The following SLC10A7 variants were observed in gnomAD, a reference collection of about 807,000 sequenced individuals.
SLC10A7 encodes solute carrier family 10 member 7, also known as sodium/bile acid cotransporter 7.
A neutral mutation model predicts 43.2 loss-of-function variants in SLC10A7; 29 were observed. The observed-to-expected ratio is 0.67, with a 90% confidence interval of 0.50 to 0.92. The LOEUF (loss-of-function observed/expected upper bound fraction) is 0.92, where lower values mean the gene tolerates loss of function less well. SLC10A7 is among the 40% of genes least tolerant of loss of function. The pLI is 0.00. For missense variants in SLC10A7, 295 were observed against 403.2 expected, an observed-to-expected ratio of 0.73 and a Z score of 2.30; for synonymous variants, 152 against 144.8, an observed-to-expected ratio of 1.05 and a Z score of -0.35.
intron 5 of SLC10A7, among the ~76,000 whole-genome samples, chr4:146,365,802 T>C (rs756343848): frequency 3.3e-5 from 5 of 152,218 alleles, no homozygotes; most frequent in Non-Finnish European, 7.3e-5. Flanking sequence ...AGTTACTTAA[T>C]GTCCTTTGTC....
chr4:146,426,864 G>T (rs1729399695), intron 5 of SLC10A7, among the ~76,000 whole-genome samples: 1 of 152,102 alleles, frequency 6.6e-6, no homozygotes, highest in Non-Finnish European at 1.5e-5. Context: ...GACAGAGTGA[G>T]ACTCCGTCTC....
intron 4 of SLC10A7, among the ~76,000 whole-genome samples, chr4:146,497,212 A>G (rs1735982255): frequency 6.6e-6 from 1 of 152,236 alleles, no homozygotes; most frequent in Non-Finnish European, 1.5e-5. Context: ...TAAGAAACAA[A>G]CAATCAAAAA....
At chr4:146,498,490 C>T (rs1465043649) in intron 4 of SLC10A7, among the ~76,000 whole-genome samples, 1 of 152,126 alleles carries the variant, frequency 6.6e-6, no homozygotes, top group South Asian at 2.1e-4. Flanking sequence ...CCACAATCAC[C>T]ACCAGCTGGA....
chr4:146,490,235 G>C (rs1052448727), intron 4 of SLC10A7, among the ~76,000 whole-genome samples: 1 of 152,058 alleles, frequency 6.6e-6, no homozygotes, highest in Non-Finnish European at 1.5e-5. Flanking sequence ...TAGGGAACTA[G>C]AAATATCAAA....
In SLC10A7 at chr4:146,281,122, C is replaced by T. The variant is rs75097382; in HGVS notation, c.847+2070G>A. Among the ~76,000 whole-genome samples the T allele has an allele frequency of 1.2e-3, 184 of 152,272 alleles. 2 individuals are homozygous for T. In the East Asian group the frequency reaches 0.019, roughly 16 times the overall value. On this transcript the variant is annotated intron_variant, in intron 10 of 11. Coordinates refer to ENST00000335472, the MANE Select transcript of SLC10A7 (RefSeq NM_001029998.6). ...AAAACAACTACTTCATAGCACCTATCTGTTTGCCTGAAAATTAGCTTTTGG... is the reference window on the plus strand; with the variant it reads ...AAAACAACTACTTCATAGCACCTATTTGTTTGCCTGAAAATTAGCTTTTGG...
intron 5 of SLC10A7, among the ~76,000 whole-genome samples, chr4:146,342,907 A>G (rs62327857): frequency 0.16 from 23,983 of 151,814 alleles, 2,532 homozygotes; most frequent in South Asian, 0.26. Flanking sequence ...AGATAAAACA[A>G]TGCACATAAA....
intron 5 of SLC10A7, among the ~76,000 whole-genome samples, chr4:146,390,871 C>CA (rs373893464): frequency 0.012 from 1,740 of 139,786 alleles, 24 homozygotes; most frequent in African/African-American, 0.041. Flanking sequence ...AAAGTTAAAA[C>CA]AAAAAAAAAA....
chr4:146,450,282 A>T (rs1365384559), intron 4 of SLC10A7, among the ~76,000 whole-genome samples: 1 of 152,162 alleles, frequency 6.6e-6, no homozygotes, highest in African/African-American at 2.4e-5. Context: ...TCCAGTGTAC[A>T]ACTTCTTACA....
At chr4:146,440,864 T>C (rs1005125902) in intron 5 of SLC10A7, among the ~76,000 whole-genome samples, 1 of 152,134 alleles carries the variant, frequency 6.6e-6, no homozygotes, top group African/African-American at 2.4e-5. Flanking sequence ...TCCTCTCCTC[T>C]CTCCTTTACC....
intron 4 of SLC10A7, among the ~76,000 whole-genome samples, chr4:146,452,968 G>C (rs1433619098): frequency 6.6e-6 from 1 of 151,376 alleles, no homozygotes; most frequent in African/African-American, 2.4e-5. Flanking sequence ...AAATATTACA[G>C]GAATTAACAG....
chr4:146,340,535 GGAGAGAGAGA>G (rs35059793), intron 5 of SLC10A7, among the ~76,000 whole-genome samples: 2 of 141,830 alleles, frequency 1.4e-5, no homozygotes, highest in African/African-American at 2.6e-5. Flanking sequence ...ATATATATAT[GGAGAGAGAGA>G]GAGAGAGAGA....
At chr4:146,356,122 T>C (rs1422882561) in intron 5 of SLC10A7, among the ~76,000 whole-genome samples, 1 of 150,628 alleles carries the variant, frequency 6.6e-6, no homozygotes, top group East Asian at 1.9e-4. Flanking sequence ...CTATTATTAT[T>C]TGATTTATTG....
At chr4:146,447,652 T>A (rs1394785932) in intron 4 of SLC10A7, among the ~76,000 whole-genome samples, 1 of 151,980 alleles carries the variant, frequency 6.6e-6, no homozygotes, top group African/African-American at 2.4e-5. Context: ...TGGTGAATAA[T>A]TAGATCAATC....
chr4:146,423,719 G>A (rs1433554149), intron 5 of SLC10A7, among the ~76,000 whole-genome samples: 3 of 152,170 alleles, frequency 2.0e-5, no homozygotes, highest in East Asian at 3.8e-4. Context: ...TAAGAAGAAC[G>A]TAATATGAAT....
chr4:146,518,361 T>G (rs553109800), intron 1 of SLC10A7, among the ~76,000 whole-genome samples: 4 of 152,152 alleles, frequency 2.6e-5, no homozygotes, highest in African/African-American at 9.7e-5. Flanking sequence ...TAACATCTAG[T>G]GGGTAGAGAT....
At chr4:146,309,438 A>C (rs1163121613) in intron 6 of SLC10A7, among the ~76,000 whole-genome samples, 1 of 152,070 alleles carries the variant, frequency 6.6e-6, no homozygotes, top group East Asian at 1.9e-4. Context: ...TGCCATCCTC[A>C]CAGTGTCTGA....
intron 5 of SLC10A7, among the ~76,000 whole-genome samples, chr4:146,418,808 C>G (rs536647604): frequency 6.6e-6 from 1 of 152,312 alleles, no homozygotes; most frequent in African/African-American, 2.4e-5. Flanking sequence ...CTCAGTCCCA[C>G]AAGGCTATCC....
chr4:146,268,876 AG>A (rs1221732956), intron 10 of SLC10A7, among the ~76,000 whole-genome samples: 1 of 152,126 alleles, frequency 6.6e-6, no homozygotes, highest in Non-Finnish European at 1.5e-5. Flanking sequence ...AAGGGGTGCA[AG>A]GGGTGCTTTT....
chr4:146,272,369 A>G (rs571562341), intron 10 of SLC10A7, among the ~76,000 whole-genome samples: 1 of 152,236 alleles, frequency 6.6e-6, no homozygotes, highest in African/African-American at 2.4e-5. Context: ...CCCCTAGGGT[A>G]ACTTGTCAAA....
Sources: gnomAD v4.1 joint callset for allele counts (sites outside exome capture counted in the v4.1 genomes callset) on GRCh38, gnomAD v4.1.1 for gene constraint, MANE v1.5 for transcripts, NCBI Gene and HGNC (gene_info 2026-07-23, HGNC 2026-07-21) for gene names.